Variants in AHCTF1 observed in about 807,000 individuals in gnomAD.
AHCTF1 encodes the protein protein ELYS.
Under a neutral mutation model 248.4 loss-of-function variants are expected in AHCTF1, and 24 were observed. The observed-to-expected ratio is 0.10, with a 90% CI of 0.07 to 0.14. The LOEUF (loss-of-function observed/expected upper bound fraction) is 0.14, where lower values mean the gene tolerates loss of function less well. Ranked by LOEUF, AHCTF1 falls within the 10% of genes least tolerant of loss-of-function variation. The probability of loss-of-function intolerance (pLI) is 1.00; values close to 1 mark genes in which losing one functional copy is unlikely to be tolerated. For synonymous variants in AHCTF1, 786 were observed against 929.8 expected, an observed-to-expected ratio of 0.85 and a Z score of 2.81; for missense variants, 2,206 against 2,636.2, an observed-to-expected ratio of 0.84 and a Z score of 3.57.
At chr1:246,925,363 A>T (rs913095988) in intron 1 of AHCTF1, among the ~76,000 whole-genome samples, 5 of 152,226 alleles carry the variant, frequency 3.3e-5, no homozygotes, top group African/African-American at 1.2e-4. Context: ...AAATATAGTA[A>T]ATGTTCTATT....
intron 33 of AHCTF1, among the ~76,000 whole-genome samples, chr1:246,845,116 A>C (rs1378366980): frequency 6.6e-6 from 1 of 152,256 alleles, no homozygotes; most frequent in African/African-American, 2.4e-5. Flanking sequence ...AACCCTTGAA[A>C]TAAAATCACA....
chr1:246,841,071 T>C (rs1444638670), intron 35 of AHCTF1, 73 bp from the exon 36 acceptor site: 11 of 1,372,008 alleles, frequency 8.0e-6, no homozygotes, highest in Non-Finnish European at 1.1e-5. Flanking sequence ...TCCCAACATG[T>C]TGAGAAAAAC....
chr1:246,867,893 C>CG (rs1053398357), intron 24 of AHCTF1, 82 bp from the exon 25 acceptor site: 40 of 455,162 alleles, frequency 8.8e-5, no homozygotes, highest in Admixed American at 3.7e-4. Context: ...ATGATTACAC[C>CG]CCCCCCCCCA....
At chr1:246,891,972 T>G in intron 14 of AHCTF1, 53 bp from the exon 15 acceptor site, 2 of 1,529,304 alleles carry the variant, frequency 1.3e-6, no homozygotes, top group Non-Finnish European at 1.7e-6. Flanking sequence ...CTAAATAAAT[T>G]AGAATCACAA....
intron 35 of AHCTF1, 45 bp from the exon 36 acceptor site, chr1:246,841,043 T>C: frequency 6.6e-7 from 1 of 1,511,058 alleles, no homozygotes; most frequent in Admixed American, 2.6e-5. Flanking sequence ...CACATTATGC[T>C]ATAAAATAAA....
rs1450375665 is a variant in AHCTF1, at chr1:246,839,698, T to C, written c.*1108A>G. On this transcript the variant is annotated 3_prime_UTR_variant, in exon 36 of 36. Transcript: ENST00000648844. Reference sequence around the variant, plus strand: ...AAAGCCCACGAAAGCAGTTCGTTTCTAGATAATCAATTATTAATAGTCCAT... The same window carrying C: ...AAAGCCCACGAAAGCAGTTCGTTTCCAGATAATCAATTATTAATAGTCCAT... 3.3e-6 allele frequency: 1 copy of C among 300,422 alleles called. No homozygotes were observed. Among genetic ancestry groups the C allele is most frequent in the Non-Finnish European group, 4.9e-6 (1 of 204,586 alleles). The allele number at this position is 300,422 out of a possible 1,614,324, so 18.6% of individuals were successfully genotyped here. A position where few individuals can be genotyped will look rare whatever the true frequency, so the allele number is the denominator to read the frequency against.
chr1:246,902,722 A>G (rs2103178232), intron 7 of AHCTF1, 47 bp from the exon 8 acceptor site: 1 of 1,486,892 alleles, frequency 6.7e-7, no homozygotes, highest in East Asian at 2.4e-5. Context: ...CTAGGCAAAA[A>G]GTCACTCTAA....
intron 29 of AHCTF1, among the ~76,000 whole-genome samples, chr1:246,860,217 G>C (rs1277433397): frequency 6.6e-6 from 1 of 152,016 alleles, no homozygotes. Flanking sequence ...GCAGTGAGCC[G>C]AGATCACGCC....
In AHCTF1 at chr1:246,850,060, T is replaced by C. The variant is rs1371355783; in HGVS notation, c.5946A>G (p.Pro1982=). 1 of 1,613,936 alleles carries C rather than the reference T, an allele frequency of 6.2e-7. No homozygotes were observed. The highest frequency in any genetic ancestry group is 1.1e-5 in the South Asian group (1 of 91,070). Residue 1982 remains proline (P), a synonymous_variant, in exon 33 of 36, where the codon CCA becomes CCG. Coordinates refer to ENST00000648844, the MANE Select transcript of AHCTF1 (RefSeq NM_001323342.2). ...CAGCCTTAGATCCTACATCTTCAGATGGATTGATTTTTCTTGGTCTACCAC... is the reference window on the plus strand; with the variant it reads ...CAGCCTTAGATCCTACATCTTCAGACGGATTGATTTTTCTTGGTCTACCAC... The part of the protein sequence containing the change: ...RKRGRPRKIN[P]SEDVGSKAVK...
chr1:246,889,397 T>C (rs1357287745), intron 17 of AHCTF1, among the ~76,000 whole-genome samples: 1 of 152,198 alleles, frequency 6.6e-6, no homozygotes, highest in African/African-American at 2.4e-5. Context: ...TTTAGCTTTA[T>C]ACTGACTTTA....
chr1:246,882,444 G>A (rs1432028718), intron 21 of AHCTF1, among the ~76,000 whole-genome samples: 2 of 151,924 alleles, frequency 1.3e-5, no homozygotes, highest in South Asian at 2.1e-4. Context: ...CTAAATCATA[G>A]ATAGGGAAAA....
chr1:246,903,896 A>T lies in AHCTF1; in HGVS notation c.966+53T>A. On this transcript the variant is annotated intron_variant, in intron 7 of 35. Transcript: ENST00000648844. ...TCTTAAAACAAAGACAACATATTTA[A>T]AATAGAAAACAACAAAATGGTAATA... 2.2e-6 allele frequency: 3 copies of T among 1,341,254 alleles called. No homozygotes were observed. In the South Asian group the frequency reaches 3.8e-5, roughly 17 times the overall value. 83.1% of individuals were successfully genotyped at this position (1,341,254 alleles called of 1,614,324 possible). A position where few individuals can be genotyped will look rare whatever the true frequency, so the allele number is the denominator to read the frequency against.
Position 246,891,899 on chromosome 1 carries a change from A to G in AHCTF1, c.1825T>C (p.Ser609Pro), listed in dbSNP as rs569654018. 4 of 1,597,518 alleles carry G rather than the reference A, an allele frequency of 2.5e-6. No homozygotes were observed. The Admixed American group carries it at 5.5e-5, about 22-fold the overall frequency. Reference protein sequence around the residue: ...DRLCVPLFDGSCHFMDPQTIQ... With the variant: ...DRLCVPLFDGPCHFMDPQTIQ... Reference sequence around the variant, plus strand: ...GTTTGTGGATCCATGAAATGACACGAACCATCAAATAATGGCACACCTTTC... The same window carrying G: ...GTTTGTGGATCCATGAAATGACACGGACCATCAAATAATGGCACACCTTTC... Residue 609 changes from serine to proline, a missense_variant, in exon 15 of 36, where the codon TCG (serine) becomes CCG (proline). Ser to Pro is a moderately conservative substitution (Grantham distance 74). Around this residue, in one of 6 missense-constraint regions of AHCTF1, gnomAD observed 650 missense variants for 870.8 expected, o/e 0.75. Transcript: ENST00000648844.
At chr1:246,863,808 G>T in intron 27 of AHCTF1, 116 bp downstream of exon 27, 1 of 1,017,954 alleles carries the variant, frequency 9.8e-7, no homozygotes, top group Non-Finnish European at 1.5e-6. Flanking sequence ...GATGCTTAAA[G>T]CATTTCCCAG....
At chr1:246,908,723 TAAAAA>T (rs35110822) in intron 4 of AHCTF1, among the ~76,000 whole-genome samples, 1 of 106,866 alleles carries the variant, frequency 9.4e-6, no homozygotes, top group Non-Finnish European at 2.0e-5. Flanking sequence ...CAGTCTCTAC[TAAAAA>T]AAAAAAAAAA....
intron 1 of AHCTF1, among the ~76,000 whole-genome samples, chr1:246,919,630 T>C (rs755808040): frequency 6.6e-6 from 1 of 151,304 alleles, no homozygotes; most frequent in Non-Finnish European, 1.5e-5. Context: ...GGAGAATCAC[T>C]TGAACCCAGG....
chr1:246,921,866 G>A lies in AHCTF1; in HGVS notation c.-7-3489C>T, dbSNP rs890857165. The stretch of plus-strand genomic sequence containing the variant: ...TCAAGAAGGCTTCAGGTAGAATAGA[G>A]ATCAGATAGAAGGTCTGAGAGGCAG... On this transcript the variant is annotated intron_variant, in intron 1 of 35. Transcript: ENST00000648844. 6.6e-5 allele frequency among the ~76,000 whole-genome samples: 10 copies of A among 152,308 alleles called. No individual in the cohort carries two copies. The South Asian group carries it at 1.9e-3, about 28-fold the overall frequency.
Position 246,868,489 on chromosome 1 carries a change from A to G in AHCTF1, c.3089-678T>C, listed in dbSNP as rs1662202178. On this transcript the variant is annotated intron_variant, in intron 24 of 35. Coordinates refer to ENST00000648844, the MANE Select transcript of AHCTF1 (RefSeq NM_001323342.2). ...AGACTGGTCTCAAACTCCGGGCCTC[A>G]AGTGATCCTCCCTCCTCGGCCTCTC... 1.3e-5 allele frequency among the ~76,000 whole-genome samples: 2 copies of G among 151,874 alleles called. 1 individual carries two copies.
At chr1:246,878,577 G>T (rs898065998) in intron 21 of AHCTF1, among the ~76,000 whole-genome samples, 1 of 152,004 alleles carries the variant, frequency 6.6e-6, no homozygotes, top group Non-Finnish European at 1.5e-5. Context: ...TATTTAAGTA[G>T]AAAAGAAAAA....
Sources: allele counts gnomAD v4.1 joint callset (sites outside exome capture counted in the v4.1 genomes callset), GRCh38; gene constraint gnomAD v4.1.1; regional missense constraint gnomAD v4.1.1; transcripts MANE v1.5; gene names NCBI Gene and HGNC (gene_info 2026-07-23, HGNC 2026-07-21).